Variants in DAB1 observed in about 807,000 individuals in gnomAD.
DAB1 encodes the protein disabled homolog 1.
Under a neutral mutation model 64.6 loss-of-function variants are expected in DAB1, and 15 were observed. That is an observed-to-expected ratio of 0.23 (90% confidence interval 0.16 to 0.36). The LOEUF is 0.36. Ranked by LOEUF, DAB1 falls within the 10% of genes least tolerant of loss-of-function variation. DAB1 has a pLI of 1.00. For missense variants in DAB1, 596 were observed against 706.7 expected, an observed-to-expected ratio of 0.84 and a Z score of 1.78; for synonymous variants, 235 against 251.9, an observed-to-expected ratio of 0.93 and a Z score of 0.64.
chr1:58,247,406 C>A (rs1660595279), intron 4 of DAB1, among the ~76,000 whole-genome samples: 1 of 152,102 alleles, frequency 6.6e-6, no homozygotes, highest in Non-Finnish European at 1.5e-5. Context: ...GAGTACCCAA[C>A]TTGACCCAAG....
chr1:57,749,362 C>A (rs7534106), intron 6 of DAB1, among the ~76,000 whole-genome samples: 21,008 of 152,146 alleles, frequency 0.14, 1,735 homozygotes, highest in East Asian at 0.41. Flanking sequence ...GAAGCCAGTG[C>A]CCTACAAGTC....
intron 4 of DAB1, among the ~76,000 whole-genome samples, chr1:58,256,311 C>T (rs1036160853): frequency 9.2e-5 from 14 of 152,172 alleles, no homozygotes; most frequent in African/African-American, 1.4e-4. Context: ...GTACCGAAGC[C>T]GGTGTGTGCC....
At chr1:57,705,873 G>GT (rs1646960440) in intron 6 of DAB1, among the ~76,000 whole-genome samples, 3 of 82,988 alleles carry the variant, frequency 3.6e-5, no homozygotes, top group Admixed American at 2.6e-4. Flanking sequence ...ACAATACTAG[G>GT]GTTTTTTTTT....
intron 3 of DAB1, among the ~76,000 whole-genome samples, chr1:57,137,012 G>A (rs1229036642): frequency 6.6e-6 from 1 of 152,058 alleles, no homozygotes; most frequent in African/African-American, 2.4e-5. Flanking sequence ...TCTTTTAAAT[G>A]AAGGTGAGCT....
upstream of DAB1, among the ~76,000 whole-genome samples, chr1:57,884,567 G>C (rs116078217): frequency 1.2e-3 from 181 of 152,298 alleles, 2 homozygotes; most frequent in East Asian, 0.03. Context: ...ATTGGATAAA[G>C]AAAATGTATA....
chr1:57,264,722 C>T (rs896806512), intron 2 of DAB1, among the ~76,000 whole-genome samples: 1 of 152,180 alleles, frequency 6.6e-6, no homozygotes, highest in Admixed American at 6.5e-5. Context: ...CTCACTCACC[C>T]TGGGTCAATT....
At chr1:57,050,745 A>C (rs1200882510) in intron 9 of DAB1, among the ~76,000 whole-genome samples, 1 of 152,164 alleles carries the variant, frequency 6.6e-6, no homozygotes, top group African/African-American at 2.4e-5. Context: ...AATTATTTTT[A>C]TAGGTCTATC....
intron 6 of DAB1, among the ~76,000 whole-genome samples, chr1:57,795,332 T>C (rs1340325713): frequency 1.3e-5 from 2 of 152,126 alleles, no homozygotes; most frequent in African/African-American, 2.4e-5. Context: ...CTAGAACTCT[T>C]TTTCCTTTTT....
chr1:57,464,936 G>A (rs138167720), intron 7 of DAB1, among the ~76,000 whole-genome samples: 153 of 151,670 alleles, frequency 1.0e-3, no homozygotes, highest in South Asian at 4.2e-3. Context: ...TAACAAAGGC[G>A]TTTGTTAACA....
chr1:58,541,643 C>CAAAAAAAAAAAAAAAAAAAAAAAA (rs1646621965), intron 1 of DAB1: 3 of 104,212 alleles, frequency 2.9e-5, no homozygotes, highest in Non-Finnish European at 6.1e-5. Flanking sequence ...AAAAAAAAAC[C>CAAAAAAAAAAAAAAAAAAAAAAAA]AAAAACAAAA....
In DAB1 at chr1:58,475,468, GGTTA is replaced by G. The variant is rs1421914803; in HGVS notation, n.257+30588_257+30591del. Among the ~76,000 whole-genome samples the G allele has an allele frequency of 6.2e-5, 9 of 144,708 alleles. No individual in the cohort carries two copies. The East Asian group carries it at 1.4e-3, about 22-fold the overall frequency. 94.9% of individuals were successfully genotyped at this position (144,708 alleles called of 152,430 possible). ...TGAGCCACTGTGCCTGGCTGAATTA[GGTTA>G]ATTAAACACACACACACACACACAC... On this transcript the variant is annotated intron_variant and non_coding_transcript_variant, in intron 3 of 20. Coordinates refer to the DAB1 transcript ENST00000485760.
chr1:57,986,732 T>C (rs1231653077), intron 5 of DAB1, among the ~76,000 whole-genome samples: 2 of 152,208 alleles, frequency 1.3e-5, no homozygotes, highest in African/African-American at 4.8e-5. Flanking sequence ...AAGTCATTTC[T>C]TGAGACTAAC....
At chr1:57,730,260 G>A (rs1438686125) in intron 6 of DAB1, among the ~76,000 whole-genome samples, 2 of 152,192 alleles carry the variant, frequency 1.3e-5, no homozygotes, top group Non-Finnish European at 2.9e-5. Context: ...GAAAACAAGA[G>A]GTTCAGGGGC....
intron 5 of DAB1, among the ~76,000 whole-genome samples, chr1:58,131,164 T>C (rs1341106527): frequency 6.8e-6 from 1 of 147,742 alleles, no homozygotes; most frequent in African/African-American, 2.5e-5. Flanking sequence ...TTTCTTTTTA[T>C]TCTTTTTTCT....
intron 3 of DAB1, among the ~76,000 whole-genome samples, chr1:58,455,017 A>G (rs1645179844): frequency 6.6e-6 from 1 of 152,214 alleles, no homozygotes; most frequent in Non-Finnish European, 1.5e-5. Flanking sequence ...AGCTCTTTAA[A>G]GAGAATGTCT....
intron 3 of DAB1, among the ~76,000 whole-genome samples, chr1:58,490,499 C>A (rs2100373815): frequency 6.6e-6 from 1 of 152,138 alleles, no homozygotes; most frequent in Non-Finnish European, 1.5e-5. Context: ...GAGAATGGAA[C>A]CAAGTTGGAA....
At chr1:57,680,265 T>A (rs1433972787) in intron 6 of DAB1, among the ~76,000 whole-genome samples, 1 of 152,244 alleles carries the variant, frequency 6.6e-6, no homozygotes, top group East Asian at 1.9e-4. Flanking sequence ...GCTTTGAGCC[T>A]ACACTTTAGA....
intron 9 of DAB1, among the ~76,000 whole-genome samples, chr1:57,035,277 A>G (rs1647104258): frequency 6.6e-6 from 1 of 152,196 alleles, no homozygotes; most frequent in South Asian, 2.1e-4. Context: ...AACATTTTTT[A>G]GTGTCCAAAA....
intron 1 of DAB1, among the ~76,000 whole-genome samples, chr1:57,833,168 T>C (rs952551065): frequency 6.6e-6 from 1 of 152,176 alleles, no homozygotes; most frequent in African/African-American, 2.4e-5. Flanking sequence ...TTGTTGTTAT[T>C]GCCTATTATC....
Sources: gnomAD v4.1 joint callset for allele counts (sites outside exome capture counted in the v4.1 genomes callset) on GRCh38, gnomAD v4.1.1 for gene constraint, MANE v1.5 for transcripts, NCBI Gene and HGNC (gene_info 2026-07-23, HGNC 2026-07-21) for gene names.